The following STK31 variants were observed in gnomAD, a reference collection of about 807,000 sequenced individuals.
The protein encoded by STK31 is serine/threonine kinase 31.
A neutral mutation model predicts 129.7 loss-of-function variants in STK31; 89 were observed. The ratio of observed to expected loss-of-function variants is 0.69; its 90% CI spans 0.58 to 0.82. The LOEUF is 0.82. Among genes scored for constraint, STK31 ranks in the 40% least tolerant of loss-of-function variants. The probability of loss-of-function intolerance (pLI) is 0.00; values close to 1 mark genes in which losing one functional copy is unlikely to be tolerated. For missense variants in STK31, 1,187 were observed against 1,176.4 expected (o/e 1.01, Z -0.13); for synonymous variants, 448 against 395.3 (o/e 1.13, Z -1.58).
In STK31 at chr7:23,762,797, C is replaced by T; in HGVS notation, c.1294-4C>T. 4 of 1,606,906 alleles carry T rather than the reference C, an allele frequency of 2.5e-6. No homozygotes were observed. Among genetic ancestry groups the T allele is most frequent in the South Asian group, 1.1e-5 (1 of 89,006 alleles). ...TGATGGTTATTCTTTTTTTCTTCCT[C>T]CAGAGTGAAGGGAATATTTTGATTG... On this transcript the variant is annotated splice_region_variant and splice_polypyrimidine_tract_variant and intron_variant, in intron 10 of 23. Transcript: ENST00000355870.
intron 22 of STK31, among the ~76,000 whole-genome samples, chr7:23,814,116 T>C (rs75330872): frequency 0.015 from 2,026 of 136,854 alleles, 35 homozygotes; most frequent in African/African-American, 0.043. Flanking sequence ...GTTGCAGGCT[T>C]AGGAGTTGGG....
At chr7:23,768,892 G>C (rs1789995523) in intron 11 of STK31, 103 bp from the exon 12 acceptor site, 3 of 923,834 alleles carry the variant, frequency 3.2e-6, no homozygotes, top group Admixed American at 5.9e-5. Flanking sequence ...TCTCAAGAAT[G>C]GGGATTCAGC....
At chr7:23,753,459 C>T (rs1054279448) in intron 9 of STK31, among the ~76,000 whole-genome samples, 3 of 152,028 alleles carry the variant, frequency 2.0e-5, no homozygotes, top group South Asian at 2.1e-4. Flanking sequence ...GATGTGGCCA[C>T]CTGCAACCCC....
intron 22 of STK31, among the ~76,000 whole-genome samples, chr7:23,800,990 CTAT>C (rs1292249710): frequency 5.3e-5 from 8 of 152,128 alleles, no homozygotes; most frequent in African/African-American, 2.4e-5. Context: ...CAGTGTCTGA[CTAT>C]TGCAGATAAA....
At chr7:23,771,209 CTCAGTG>C (rs1333305120) in intron 14 of STK31, 85 bp downstream of exon 14, 1 of 1,269,132 alleles carries the variant, frequency 7.9e-7, no homozygotes, top group African/African-American at 1.5e-5. Context: ...TTGTTTAATA[CTCAGTG>C]TCAGTAAATT....
chr7:23,717,675 A>G, intron 4 of STK31, 96 bp downstream of exon 4: 1 of 933,184 alleles, frequency 1.1e-6, no homozygotes, highest in Non-Finnish European at 1.6e-6. Context: ...ATATTTGAAA[A>G]GAAGAGGCTG....
chr7:23,763,701 T>C (rs540675184), intron 11 of STK31, among the ~76,000 whole-genome samples: 45 of 152,282 alleles, frequency 3.0e-4, no homozygotes, highest in African/African-American at 1.1e-3. Context: ...TCTCTTTTAG[T>C]TCTCATTTGT....
chr7:23,730,804 A>G (rs975524191), intron 6 of STK31, among the ~76,000 whole-genome samples: 1 of 143,784 alleles, frequency 7.0e-6, no homozygotes, highest in African/African-American at 2.5e-5. Context: ...GCAGCTGAGA[A>G]TGTTTTTGTA....
chr7:23,785,005 G>T (rs953951151), intron 17 of STK31, among the ~76,000 whole-genome samples: 1 of 151,978 alleles, frequency 6.6e-6, no homozygotes, highest in Non-Finnish European at 1.5e-5. Flanking sequence ...TATTTCAGTA[G>T]TTTTTGGGGT....
rs1794613138 is a variant in STK31 at position 23,832,399 on chromosome 7, T to A, written c.*33T>A. Reference sequence around the variant, plus strand: ...TTGTTGTTGTTGCAGAGGTTCTTTTTAAAAACTTTGGTTTGGTTAATACAC... The same window carrying A: ...TTGTTGTTGTTGCAGAGGTTCTTTTAAAAAACTTTGGTTTGGTTAATACAC... On this transcript the variant is annotated 3_prime_UTR_variant, in exon 24 of 24. Transcript: ENST00000355870. The A allele has an allele frequency of 7.0e-7, 1 of 1,433,402 alleles. No individual in the cohort carries two copies. Among genetic ancestry groups the A allele is most frequent in the Non-Finnish European group, 9.3e-7 (1 of 1,076,190 alleles). 88.8% of individuals were successfully genotyped at this position (1,433,402 alleles called of 1,614,324 possible).
At chr7:23,785,409 A>G in intron 17 of STK31, 69 bp from the exon 18 acceptor site, 1 of 1,575,458 alleles carries the variant, frequency 6.3e-7, no homozygotes, top group Non-Finnish European at 8.7e-7. Flanking sequence ...CGTGTAACTA[A>G]TTATTTTGAT....
At chr7:23,738,223 A>G (rs1787833407) in intron 8 of STK31, among the ~76,000 whole-genome samples, 1 of 152,208 alleles carries the variant, frequency 6.6e-6, no homozygotes. Flanking sequence ...GATATAACTC[A>G]GAAACAGCCA....
At chr7:23,721,726 T>C (rs1786710845) in intron 4 of STK31, 3 of 769,238 alleles carry the variant, frequency 3.9e-6, no homozygotes, top group South Asian at 1.4e-5. Context: ...GCTGCACAAG[T>C]GGAGCAAATG....
At chr7:23,726,429 C>CAAAAGAAAAAAAAA (rs1787078751) in intron 4 of STK31, 1 of 79,178 alleles carries the variant, frequency 1.3e-5, no homozygotes, top group African/African-American at 6.1e-5. Context: ...CTTGCCTCTA[C>CAAAAGAAAAAAAAA]AAAAAAAAAA....
chr7:23,805,116 C>G (rs1201247093), intron 22 of STK31, among the ~76,000 whole-genome samples: 1 of 152,026 alleles, frequency 6.6e-6, no homozygotes, highest in East Asian at 1.9e-4. Context: ...TGCTCTGTCG[C>G]CCAGGCTAGG....
chr7:23,818,879 C>T (rs1458184528), intron 23 of STK31, among the ~76,000 whole-genome samples: 1 of 152,198 alleles, frequency 6.6e-6, no homozygotes, highest in Non-Finnish European at 1.5e-5. Flanking sequence ...CCTGCCTCAG[C>T]CTCCCAAAGT....
intron 8 of STK31, among the ~76,000 whole-genome samples, chr7:23,738,111 T>G (rs1366198408): frequency 6.6e-6 from 1 of 152,136 alleles, no homozygotes; most frequent in African/African-American, 2.4e-5. Context: ...ACCCCCCCAC[T>G]ATAAATTCGG....
intron 23 of STK31, among the ~76,000 whole-genome samples, chr7:23,831,244 C>G (rs923944009): frequency 6.6e-6 from 1 of 152,012 alleles, no homozygotes; most frequent in African/African-American, 2.4e-5. Context: ...CTGTTTCTCC[C>G]TTTAGATCTA....
intron 10 of STK31, among the ~76,000 whole-genome samples, chr7:23,759,492 G>C (rs1262731237): frequency 1.7e-4 from 26 of 152,112 alleles, no homozygotes; most frequent in Non-Finnish European, 8.8e-5. Flanking sequence ...GAAAGACAAG[G>C]AACTGGAGAT....
Sources: gnomAD v4.1 joint callset for allele counts (sites outside exome capture counted in the v4.1 genomes callset) on GRCh38, gnomAD v4.1.1 for gene constraint, MANE v1.5 for transcripts, NCBI Gene and HGNC (gene_info 2026-07-23, HGNC 2026-07-21) for gene names.